The following ADAM29 variants were observed in gnomAD, a reference collection of about 807,000 sequenced individuals.
ADAM29 encodes the protein ADAM metallopeptidase domain 29, also known as disintegrin and metalloproteinase domain-containing protein 29.
For missense variants in ADAM29, 969 were observed against 1,001.8 expected, an observed-to-expected ratio of 0.97 and a Z score of 0.44; for synonymous variants, 367 against 342.3, an observed-to-expected ratio of 1.07 and a Z score of -0.80.
At chr4:174,947,085 G>A (rs566231295) in intron 4 of ADAM29, among the ~76,000 whole-genome samples, 2 of 152,008 alleles carry the variant, frequency 1.3e-5, no homozygotes, top group South Asian at 4.2e-4. Context: ...GGGGCCAATG[G>A]TAATTTCCTT....
intron 4 of ADAM29, among the ~76,000 whole-genome samples, chr4:174,969,957 G>A (rs777936406): frequency 1.4e-4 from 21 of 152,020 alleles, no homozygotes; most frequent in Admixed American, 9.8e-4. Context: ...TCTCTGCAGT[G>A]TGGGGCTTGA....
At chr4:174,958,302 A>G (rs184774042) in intron 4 of ADAM29, among the ~76,000 whole-genome samples, 6 of 151,774 alleles carry the variant, frequency 4.0e-5, no homozygotes, top group African/African-American at 1.4e-4. Context: ...TTTCAGTTCT[A>G]TCAGGTTTTC....
chr4:174,965,540 C>A (rs528431326), intron 4 of ADAM29, among the ~76,000 whole-genome samples: 12 of 151,048 alleles, frequency 7.9e-5, no homozygotes, highest in Non-Finnish European at 1.5e-4. Flanking sequence ...CATCTATTTA[C>A]TTACCTATGT....
At position 174,976,641 on chromosome 4, in the gene ADAM29, T is replaced by G. The variant is rs1462294279; in HGVS notation, c.1116T>G (p.Gly372=). 2 of 1,613,178 alleles carry G rather than the reference T, an allele frequency of 1.2e-6. No individual in the cohort carries two copies. Among genetic ancestry groups the G allele is most frequent in the African/African-American group, 1.3e-5 (1 of 74,900 alleles). ...CTAAATTTAGCAATTGTAGTTATGG[T>G]GATTTTTGGGAATATACTGTAGAGA... The part of the protein sequence containing the change: ...PITKFSNCSY[G]DFWEYTVERT... Residue 372 remains glycine, a synonymous_variant, in exon 5 of 5, where the codon GGT becomes GGG. Coordinates refer to ENST00000359240, the MANE Select transcript of ADAM29 (RefSeq NM_014269.4).
At chr4:174,940,521 G>A (rs1744472418) in intron 4 of ADAM29, among the ~76,000 whole-genome samples, 1 of 151,832 alleles carries the variant, frequency 6.6e-6, no homozygotes, top group Non-Finnish European at 1.5e-5. Flanking sequence ...TCAGAAAAAA[G>A]AGCCACACAA....
At chr4:174,948,771 G>C (rs1403880223) in intron 4 of ADAM29, among the ~76,000 whole-genome samples, 1 of 152,160 alleles carries the variant, frequency 6.6e-6, no homozygotes, top group East Asian at 1.9e-4. Context: ...GGTGATGGGG[G>C]CACTGGCAGA....
intron 4 of ADAM29, among the ~76,000 whole-genome samples, chr4:174,959,195 A>G (rs905612686): frequency 4.6e-5 from 7 of 151,866 alleles, no homozygotes; most frequent in Non-Finnish European, 1.0e-4. Flanking sequence ...TGAGAATATT[A>G]CTTCTCCTTT....
intron 4 of ADAM29, among the ~76,000 whole-genome samples, chr4:174,963,865 A>G (rs1746001448): frequency 6.6e-6 from 1 of 152,074 alleles, no homozygotes; most frequent in Non-Finnish European, 1.5e-5. Context: ...CATTTTTAGT[A>G]GAGACGGGGT....
At chr4:174,951,642 G>T (rs1454043749) in intron 4 of ADAM29, among the ~76,000 whole-genome samples, 1 of 152,114 alleles carries the variant, frequency 6.6e-6, no homozygotes, top group Non-Finnish European at 1.5e-5. Flanking sequence ...AAGAATGCAG[G>T]ATAATGCCTG....
In ADAM29 at chr4:174,971,072, A is replaced by G. The variant is rs571412115; in HGVS notation, c.-180-4274A>G. Among the ~76,000 whole-genome samples, 88 of 152,152 alleles carry G rather than the reference A, an allele frequency of 5.8e-4. 1 individual carries two copies. The highest frequency in any genetic ancestry group is 1.1e-3 in the Non-Finnish European group (72 of 67,964). On this transcript the variant is annotated intron_variant, in intron 4 of 4. Transcript: ENST00000359240. The stretch of plus-strand genomic sequence containing the variant: ...ATTCATATTGTGTCTCTTTTAACAT[A>G]TTTTATTTCTTTTTTTAATACTTTT...
intron 4 of ADAM29, among the ~76,000 whole-genome samples, chr4:174,968,769 G>A (rs1037611357): frequency 6.4e-5 from 6 of 93,464 alleles, no homozygotes; most frequent in Middle Eastern, 5.7e-3. Flanking sequence ...GCCACTTTCC[G>A]CCCACACACA....
At chr4:174,974,373 A>G (rs1181070242) in intron 4 of ADAM29, among the ~76,000 whole-genome samples, 1 of 152,240 alleles carries the variant, frequency 6.6e-6, no homozygotes. Flanking sequence ...GAAGAAACTC[A>G]GATAACTGAC....
rs1442040080 is a variant in ADAM29 at position 174,976,581 on chromosome 4, T to C, written c.1056T>C (p.Pro352=). 6.2e-7 allele frequency: 1 copy of C among 1,603,610 alleles called. No homozygotes were observed. Among genetic ancestry groups the C allele is most frequent in the East Asian group, 2.2e-5 (1 of 44,836 alleles). The change falls in exon 5 of 5, where the codon CCT becomes CCC. Residue 352 remains proline, a synonymous_variant. Transcript: ENST00000359240. ...AGGATACATGTCGTTGTTCACAACC[T>C]AGATGCATAATGCATGAAGGCAACC... ...HDEDTCRCSQ[P]RCIMHEGNPP...
chr4:174,921,844 A>G (rs917998496), intron 2 of ADAM29, among the ~76,000 whole-genome samples: 28 of 152,168 alleles, frequency 1.8e-4, no homozygotes, highest in African/African-American at 6.8e-4. Flanking sequence ...TTAAATTTCA[A>G]AATTTCTTCC....
chr4:174,934,097 G>A (rs1744065854), intron 3 of ADAM29, among the ~76,000 whole-genome samples: 1 of 152,054 alleles, frequency 6.6e-6, no homozygotes, highest in Non-Finnish European at 1.5e-5. Flanking sequence ...CACCAACAGT[G>A]TTCCCTTTTC....
chr4:174,920,825 T>A, intron 2 of ADAM29, 33 bp downstream of exon 2: 1 of 152,168 alleles, frequency 6.6e-6, no homozygotes, highest in East Asian at 1.9e-4. Context: ...AATGTAATTA[T>A]CTTACATTAT....
At position 174,931,019 on chromosome 4, in the gene ADAM29, C is replaced by G. The variant is rs1000956289; in HGVS notation, c.-417C>G. 6.6e-6 allele frequency: 1 copy of G among 152,104 alleles called. No individual in the cohort carries two copies. The highest frequency in any genetic ancestry group is 1.5e-5 in the Non-Finnish European group (1 of 68,022). 9.4% of individuals were successfully genotyped at this position (152,104 alleles called of 1,614,324 possible). A position where few individuals can be genotyped will look rare whatever the true frequency, so the allele number is the denominator to read the frequency against. ...ACAAAACATTCTCCCTGCAGTCTCA[C>G]GAACTGTGAACAAAAACTGAAGTGA... On this transcript the variant is annotated 5_prime_UTR_variant, in exon 3 of 5. Coordinates refer to ENST00000359240, the MANE Select transcript of ADAM29 (RefSeq NM_014269.4).
intron 2 of ADAM29, among the ~76,000 whole-genome samples, chr4:174,926,383 T>C (rs1743517649): frequency 6.6e-6 from 1 of 152,102 alleles, no homozygotes. Context: ...TATTATTTAA[T>C]TATCTCAAGT....
chr4:174,963,989 A>G lies in ADAM29; in HGVS notation c.-180-11357A>G, dbSNP rs78696059. ...TGGCCTAGCAAATGTTAATTTAAAC[A>G]TAGTTTGATCTTATTTATACTTCCT... is the stretch of plus-strand genomic sequence containing the variant. On this transcript the variant is annotated intron_variant, in intron 4 of 4. Coordinates refer to ENST00000359240, the MANE Select transcript of ADAM29 (RefSeq NM_014269.4). 2.1e-3 allele frequency among the ~76,000 whole-genome samples: 315 copies of G among 151,780 alleles called. 1 individual carries two copies. Among genetic ancestry groups the G allele is most frequent in the Middle Eastern group, 3.4e-3 (1 of 294 alleles).
Sources: allele counts gnomAD v4.1 joint callset (sites outside exome capture counted in the v4.1 genomes callset), GRCh38; gene constraint gnomAD v4.1.1; transcripts MANE v1.5; gene names NCBI Gene and HGNC (gene_info 2026-07-23, HGNC 2026-07-21).